ADRA1B: variants seen among roughly 807,000 people sequenced by gnomAD.
ADRA1B encodes adrenoceptor alpha 1B, also known as alpha-1B adrenergic receptor.
ADRA1B carries 17 observed loss-of-function variants against 17.9 expected under a neutral mutation model. The ratio of observed to expected loss-of-function variants is 0.95; its 90% CI spans 0.65 to 1.42. The LOEUF is 1.42. Among genes scored for constraint, ADRA1B ranks in the 40% most tolerant of loss-of-function variants. ADRA1B has a pLI of 0.00. For missense variants in ADRA1B, 681 were observed against 722.1 expected (o/e 0.94, Z 0.65); for synonymous variants, 366 against 327.6 (o/e 1.12, Z -1.27).
intron 1 of ADRA1B, among the ~76,000 whole-genome samples, chr5:159,928,343 T>C (rs1754716472): frequency 6.6e-6 from 1 of 152,150 alleles, no homozygotes. Context: ...ATTGGCAGGC[T>C]CTGCTCTTAC....
At chr5:159,938,396 G>A (rs1264839528) in intron 1 of ADRA1B, among the ~76,000 whole-genome samples, 9 of 152,330 alleles carry the variant, frequency 5.9e-5, no homozygotes, top group East Asian at 5.8e-4. Flanking sequence ...TGATGGAAAC[G>A]TTAGGGAATA....
intron 1 of ADRA1B, among the ~76,000 whole-genome samples, chr5:159,966,335 G>C (rs1322680050): frequency 1.3e-5 from 2 of 152,176 alleles, no homozygotes; most frequent in Admixed American, 6.5e-5. Flanking sequence ...GACTCTACAT[G>C]TTTTTACCTT....
intron 1 of ADRA1B, among the ~76,000 whole-genome samples, chr5:159,945,826 C>T (rs924602487): frequency 6.6e-6 from 1 of 151,500 alleles, no homozygotes; most frequent in Admixed American, 6.6e-5. Context: ...CGGCTCACTG[C>T]AAGCTCCGCC....
downstream of ADRA1B, among the ~76,000 whole-genome samples, chr5:159,978,004 CT>C (rs894867401): frequency 3.3e-5 from 5 of 152,150 alleles, no homozygotes. Flanking sequence ...TTAAAAGTGA[CT>C]TCCCTACTGC....
intron 1 of ADRA1B, among the ~76,000 whole-genome samples, chr5:159,944,485 G>C (rs1755217770): frequency 1.3e-5 from 2 of 152,204 alleles, no homozygotes; most frequent in African/African-American, 4.8e-5. Flanking sequence ...AGAAACATCA[G>C]AATGATGCTG....
intron 1 of ADRA1B, among the ~76,000 whole-genome samples, chr5:159,955,554 T>C (rs952639514): frequency 1.3e-5 from 2 of 152,150 alleles, no homozygotes; most frequent in African/African-American, 4.8e-5. Flanking sequence ...CCCTGTTCTC[T>C]TGTAGAGCCT....
At chr5:159,931,353 T>C (rs6892932) in intron 1 of ADRA1B, among the ~76,000 whole-genome samples, 69,096 of 149,262 alleles carry the variant, frequency 0.46, 16,203 homozygotes, top group East Asian at 0.74. Context: ...ATAACCACAC[T>C]ACTGCACTCA....
chr5:159,972,661 G>A lies in ADRA1B; in HGVS notation c.*169G>A, dbSNP rs1381831911. ...AGCTGCTTTTCTGGCAGGGGCATGG[G>A]TGCCAGGTACCACGCGGAAAGCCGG... On this transcript the variant is annotated 3_prime_UTR_variant, in exon 2 of 2. Transcript: ENST00000306675. 3.7e-6 allele frequency: 3 copies of A among 813,786 alleles called. No individual in the cohort carries two copies. Among genetic ancestry groups the A allele is most frequent in the Non-Finnish European group, 5.3e-6 (3 of 568,080 alleles). The allele number at this position is 813,786 out of a possible 1,614,324, so 50.4% of individuals were successfully genotyped here.
intron 1 of ADRA1B, among the ~76,000 whole-genome samples, chr5:159,949,770 C>G (rs1397235918): frequency 6.6e-6 from 1 of 152,230 alleles, no homozygotes; most frequent in Non-Finnish European, 1.5e-5. Flanking sequence ...GATGGACCGG[C>G]CGGCACCAGC....
intron 1 of ADRA1B, among the ~76,000 whole-genome samples, chr5:159,891,966 C>T (rs182805092): frequency 1.3e-5 from 2 of 152,278 alleles, no homozygotes; most frequent in African/African-American, 4.8e-5. Flanking sequence ...TGGCCAGGCG[C>T]GCTGGCTCAC....
chr5:159,934,386 A>G (rs1364577310), intron 1 of ADRA1B, among the ~76,000 whole-genome samples: 3 of 152,036 alleles, frequency 2.0e-5, no homozygotes, highest in African/African-American at 7.2e-5. Flanking sequence ...CCTTCCTGTC[A>G]CCTGCCTCTG....
chr5:159,971,856 G>GGGGGGGGGGGGT, intron 1 of ADRA1B, 23 bp from the exon 2 acceptor site: 1 of 1,306,266 alleles, frequency 7.7e-7, no homozygotes, highest in Non-Finnish European at 9.8e-7. Context: ...TTCTGCCCGT[G>GGGGGGGGGGGGT]CCCACCCCCC....
rs371961197 is a variant in ADRA1B, at chr5:159,934,371, A to G, written c.949+16517A>G. ...AAGTGATTCCCAGAATCTGACCAGGAAAGCCCTTCCTGTCACCTGCCTCTG... is the reference window on the plus strand; with the variant it reads ...AAGTGATTCCCAGAATCTGACCAGGGAAGCCCTTCCTGTCACCTGCCTCTG... On this transcript the variant is annotated intron_variant, in intron 1 of 1. Coordinates refer to ENST00000306675, the MANE Select transcript of ADRA1B (RefSeq NM_000679.4). Among the ~76,000 whole-genome samples, 49 of 152,216 alleles carry G rather than the reference A, an allele frequency of 3.2e-4. No homozygotes were observed. In the South Asian group the frequency reaches 9.3e-3, roughly 29 times the overall value.
chr5:159,868,212 T>C (rs985202433), intron 1 of ADRA1B: 6 of 152,228 alleles, frequency 3.9e-5, no homozygotes, highest in African/African-American at 1.4e-4. Context: ...CTTGGCTTGG[T>C]ACATGGTTAA....
At chr5:159,943,221 AAAAC>A (rs1716706072) in intron 1 of ADRA1B, among the ~76,000 whole-genome samples, 1 of 152,098 alleles carries the variant, frequency 6.6e-6, no homozygotes, top group African/African-American at 2.4e-5. Flanking sequence ...CAGAAAAAAA[AAAAC>A]AATGAAAAAT....
chr5:159,901,216 A>G (rs979321726), intron 1 of ADRA1B, among the ~76,000 whole-genome samples: 2 of 151,594 alleles, frequency 1.3e-5, no homozygotes, highest in Admixed American at 1.3e-4. Context: ...CTCTTGAAGA[A>G]CCCAGAGAAA....
intron 1 of ADRA1B, among the ~76,000 whole-genome samples, chr5:159,891,684 T>A (rs984874998): frequency 1.3e-5 from 2 of 152,166 alleles, no homozygotes; most frequent in Admixed American, 1.3e-4. Flanking sequence ...AGAATTTTCA[T>A]AACACCCTCC....
chr5:159,978,436 AC>A, the ADRA1B span, among the ~76,000 whole-genome samples: 2 of 152,112 alleles, frequency 1.3e-5, no homozygotes, highest in African/African-American at 4.8e-5. Context: ...TTGCCTGGCA[AC>A]CCTGGTGTTT....
chr5:159,972,313 C>G lies in ADRA1B; in HGVS notation c.1384C>G (p.Pro462Ala), dbSNP rs1341138848. The G allele has an allele frequency of 7.0e-7, 1 of 1,431,660 alleles. No individual in the cohort carries two copies. The highest frequency in any genetic ancestry group is 9.1e-7 in the Non-Finnish European group (1 of 1,098,304). The allele number at this position is 1,431,660 out of a possible 1,614,324, so 88.7% of individuals were successfully genotyped here. Residue 462 changes from proline to alanine, a missense_variant, in exon 2 of 2, where the codon CCC becomes GCC. Pro to Ala is a conservative substitution (Grantham distance 27). Around this residue, in one of 3 missense-constraint regions of ADRA1B, gnomAD observed 251 missense variants for 224.9 expected, o/e 1.12. Coordinates refer to ENST00000306675, the MANE Select transcript of ADRA1B (RefSeq NM_000679.4). ...CCTGAGCCTGCCCGCGCCTGAGCCCCCCGGCCGCCGCGGCCGCCACGACTC... is the reference window on the plus strand; with the variant it reads ...CCTGAGCCTGCCCGCGCCTGAGCCCGCCGGCCGCCGCGGCCGCCACGACTC... ...ALLSLPAPEP[P>A]GRRGRHDSGP...
Sources: gnomAD v4.1 joint callset for allele counts (sites outside exome capture counted in the v4.1 genomes callset) on GRCh38, gnomAD v4.1.1 for gene constraint, gnomAD v4.1.1 regional missense constraint, MANE v1.5 for transcripts, NCBI Gene and HGNC (gene_info 2026-07-23, HGNC 2026-07-21) for gene names.